ARMC10: variants seen among roughly 807,000 people sequenced by gnomAD.
ARMC10 encodes the protein armadillo repeat containing 10, also known as armadillo repeat-containing protein 10.
ARMC10 carries 23 observed loss-of-function variants against 30.2 expected under a neutral mutation model. The ratio of observed to expected loss-of-function variants is 0.76; its 90% CI spans 0.55 to 1.08. ARMC10 has a LOEUF of 1.08. Ranked by LOEUF, ARMC10 falls within the 50% of genes least tolerant of loss-of-function variation. The pLI is 0.00. For synonymous variants in ARMC10, 111 were observed against 164.4 expected, an observed-to-expected ratio of 0.68 and a Z score of 2.48; for missense variants, 303 against 413.7, an observed-to-expected ratio of 0.73 and a Z score of 2.32.
At chr7:103,092,013 C>A (rs1801376505) in intron 4 of ARMC10, among the ~76,000 whole-genome samples, 2 of 152,178 alleles carry the variant, frequency 1.3e-5, no homozygotes, top group Admixed American at 1.3e-4. Flanking sequence ...TTTAAAAAGT[C>A]AACAACTTTT....
intron 4 of ARMC10, among the ~76,000 whole-genome samples, chr7:103,090,661 A>G (rs931064976): frequency 4.0e-5 from 6 of 150,796 alleles, no homozygotes; most frequent in African/African-American, 1.5e-4. Context: ...CCACGCTTGC[A>G]ATTTTTTGTA....
At chr7:103,083,986 A>C in intron 3 of ARMC10, 156 bp downstream of exon 3, 2 of 1,487,850 alleles carry the variant, frequency 1.3e-6, no homozygotes, top group Non-Finnish European at 1.8e-6. Context: ...TTTACTTCTG[A>C]AAAACACAGC....
At chr7:103,094,844 C>T (rs1213112101) in intron 5 of ARMC10, among the ~76,000 whole-genome samples, 2 of 152,142 alleles carry the variant, frequency 1.3e-5, no homozygotes, top group African/African-American at 2.4e-5. Context: ...AGAAATGTTA[C>T]CAGTGGACAC....
intron 4 of ARMC10, among the ~76,000 whole-genome samples, chr7:103,090,781 C>T (rs573784351): frequency 6.6e-6 from 1 of 151,472 alleles, no homozygotes; most frequent in Non-Finnish European, 1.5e-5. Flanking sequence ...ATCTGTAATC[C>T]CAGCTACTCA....
intron 3 of ARMC10, among the ~76,000 whole-genome samples, chr7:103,084,711 C>T (rs754125223): frequency 3.3e-5 from 5 of 152,150 alleles, no homozygotes; most frequent in African/African-American, 4.8e-5. Flanking sequence ...TGCTTATGGC[C>T]GCTCAATTTT....
intron 2 of ARMC10, among the ~76,000 whole-genome samples, chr7:103,079,951 C>G (rs1800230314): frequency 6.6e-6 from 1 of 152,144 alleles, no homozygotes; most frequent in South Asian, 2.1e-4. Flanking sequence ...TGAACCATGA[C>G]AGTTATCTTG....
chr7:103,093,723 T>C (rs185162124), intron 5 of ARMC10, among the ~76,000 whole-genome samples: 6 of 152,300 alleles, frequency 3.9e-5, no homozygotes. Flanking sequence ...ATCTCTCCTC[T>C]GCCTGACTCT....
At chr7:103,080,371 C>T (rs7807649) in intron 2 of ARMC10, among the ~76,000 whole-genome samples, 3,096 of 151,928 alleles carry the variant, frequency 0.02, 94 homozygotes, top group African/African-American at 0.071. Flanking sequence ...GCTTCTACCT[C>T]GGCCACCCGA....
intron 5 of ARMC10, among the ~76,000 whole-genome samples, chr7:103,093,738 C>G (rs1429814739): frequency 6.6e-6 from 1 of 152,308 alleles, no homozygotes; most frequent in Non-Finnish European, 1.5e-5. Flanking sequence ...GACTCTGCAG[C>G]TGCTTTACCC....
At chr7:103,084,878 C>T (rs934432003) in intron 3 of ARMC10, among the ~76,000 whole-genome samples, 5 of 152,236 alleles carry the variant, frequency 3.3e-5, no homozygotes, top group Non-Finnish European at 7.4e-5. Context: ...GATCAATCTC[C>T]GGGGCAATTT....
rs766663291 is a variant in ARMC10, at chr7:103,075,827, C to T, written c.190C>T (p.Arg64Trp). ...GGGTCAGTTGTGCGGGCGCTCGGCC[C>T]GGCCTCAGACGGGAGGTACCTGGGA... is the stretch of plus-strand genomic sequence containing the variant. ...SEGQLCGRSA[R>W]PQTGGTWESQ... The change falls in exon 2 of 7, where the codon CGG becomes TGG. Residue 64 changes from arginine to tryptophan, a missense_variant. Arg to Trp is a moderately radical substitution (Grantham distance 101). This residue lies in a region of ARMC10 where 96 missense variants were observed against 84.2 expected (regional missense o/e 1.14). Coordinates refer to ENST00000323716, the MANE Select transcript of ARMC10 (RefSeq NM_031905.5). The T allele has an allele frequency of 1.9e-6, 3 of 1,611,076 alleles. No individual in the cohort carries two copies. The highest frequency in any genetic ancestry group is 1.3e-5 in the African/African-American group (1 of 74,978).
At chr7:103,098,127 A>ATGC (rs1243155369) in intron 6 of ARMC10, among the ~76,000 whole-genome samples, 172 bp from the exon 7 acceptor site, 2 of 151,932 alleles carry the variant, frequency 1.3e-5, no homozygotes, top group Non-Finnish European at 2.9e-5. Context: ...CTAAGTTATG[A>ATGC]AATTTTGGGT....
intron 3 of ARMC10, 25 bp from the exon 4 acceptor site, chr7:103,086,605 T>C (rs1585753271): frequency 1.2e-5 from 2 of 164,142 alleles, no homozygotes; most frequent in Non-Finnish European, 2.4e-5. Context: ...CCAGTCCTGC[T>C]TTTTTTTTTT....
intron 3 of ARMC10, among the ~76,000 whole-genome samples, chr7:103,086,267 A>G (rs1020165890): frequency 1.3e-5 from 2 of 152,196 alleles, no homozygotes; most frequent in Admixed American, 6.5e-5. Context: ...ATTCTAAATT[A>G]TAACACTTTT....
At chr7:103,084,133 T>C in intron 3 of ARMC10, 1 of 961,530 alleles carries the variant, frequency 1.0e-6, no homozygotes, top group South Asian at 1.5e-5. Flanking sequence ...AGTGCTTCAG[T>C]AAAACAATGA....
chr7:103,075,271 GC>G lies in ARMC10; in HGVS notation c.-1del, dbSNP rs1799594258. 1 of 1,207,130 alleles carries G rather than the reference GC, an allele frequency of 8.3e-7. No individual in the cohort carries two copies. Among genetic ancestry groups the G allele is most frequent in the African/African-American group, 1.6e-5 (1 of 63,270 alleles). 74.8% of individuals were successfully genotyped at this position (1,207,130 alleles called of 1,614,324 possible). A position where few individuals can be genotyped will look rare whatever the true frequency, so the allele number is the denominator to read the frequency against. On this transcript the variant is annotated 5_prime_UTR_variant, in exon 1 of 7. Transcript: ENST00000323716. ...GCGCTGCGGCTCTGCCGCGGCGGCA[GC>G]ATGGGTGGCCCCCGGGGCGCGGGCT...
chr7:103,098,219 GTT>G, intron 6 of ARMC10, 78 bp from the exon 7 acceptor site: 1 of 1,183,812 alleles, frequency 8.4e-7, no homozygotes, highest in Non-Finnish European at 1.1e-6. Flanking sequence ...ATTCAATGTA[GTT>G]TTAAAATGTT....
chr7:103,085,007 G>A (rs576829485), intron 3 of ARMC10, among the ~76,000 whole-genome samples: 5 of 152,164 alleles, frequency 3.3e-5, no homozygotes, highest in Non-Finnish European at 5.9e-5. Flanking sequence ...AGCAGGGACC[G>A]TGTGGGACAG....
intron 3 of ARMC10, among the ~76,000 whole-genome samples, chr7:103,086,068 A>T (rs1033412126): frequency 6.6e-6 from 1 of 152,158 alleles, no homozygotes; most frequent in Non-Finnish European, 1.5e-5. Context: ...CCCAATGCAC[A>T]TGGACATATT....
Sources: gnomAD v4.1 joint callset for allele counts (sites outside exome capture counted in the v4.1 genomes callset) on GRCh38, gnomAD v4.1.1 for gene constraint, gnomAD v4.1.1 regional missense constraint, MANE v1.5 for transcripts, NCBI Gene and HGNC (gene_info 2026-07-23, HGNC 2026-07-21) for gene names.